PATJ: variants seen among roughly 807,000 people sequenced by gnomAD.
The protein encoded by PATJ is inaD-like protein.
PATJ carries 190 observed loss-of-function variants against 224.9 expected under a neutral mutation model. That is an observed-to-expected ratio of 0.84 (90% CI 0.75 to 0.95). PATJ has a LOEUF of 0.95. Ranked by LOEUF, PATJ falls within the 40% of genes least tolerant of loss-of-function variation. The pLI, the probability that PATJ is intolerant of heterozygous loss-of-function variation, is 0.00. For synonymous variants in PATJ, 769 were observed against 820.3 expected (o/e 0.94, Z 1.07); for missense variants, 2,121 against 2,270.3 (o/e 0.93, Z 1.34).
chr1:62,016,194 C>T lies in PATJ; in HGVS notation c.3868-1662C>T, dbSNP rs12093366. Among the ~76,000 whole-genome samples the T allele has an allele frequency of 7.0e-3, 1,061 of 152,270 alleles. 11 individuals carry two copies. The highest frequency in any genetic ancestry group is 0.025 in the African/African-American group (1,024 of 41,554). ...CATCAGCCTTGGATATGAATCCCAG[C>T]TTTACCACTTAGGAAAGGTGATGGA... is the stretch of plus-strand genomic sequence containing the variant. On this transcript the variant is annotated intron_variant, in intron 28 of 43. Coordinates refer to ENST00000642238, the MANE Select transcript of PATJ (RefSeq NM_001350145.3).
chr1:61,822,855 G>A (rs1222472999), intron 14 of PATJ, 90 bp from the exon 15 acceptor site: 2 of 1,445,382 alleles, frequency 1.4e-6, no homozygotes, highest in East Asian at 2.3e-5. Flanking sequence ...CAAGAGGTGG[G>A]GTTTTTCACT....
intron 30 of PATJ, chr1:62,038,778 A>G (rs1650918082): frequency 3.9e-6 from 2 of 513,060 alleles, no homozygotes; most frequent in Non-Finnish European, 3.6e-6. Context: ...ATTGTGCAAT[A>G]CACATTATTT....
chr1:61,935,476 G>T (rs144365644), intron 27 of PATJ, among the ~76,000 whole-genome samples: 1 of 152,126 alleles, frequency 6.6e-6, no homozygotes, highest in Non-Finnish European at 1.5e-5. Context: ...GAGTATATTT[G>T]GATTATGAAG....
At chr1:61,802,372 C>T (rs1255829774) in intron 12 of PATJ, among the ~76,000 whole-genome samples, 2 of 152,186 alleles carry the variant, frequency 1.3e-5, no homozygotes, top group Non-Finnish European at 2.9e-5. Context: ...GGATTATAGG[C>T]GTGAGCCACC....
intron 17 of PATJ, among the ~76,000 whole-genome samples, chr1:61,855,029 G>A (rs983810423): frequency 1.3e-5 from 2 of 152,116 alleles, no homozygotes; most frequent in Admixed American, 1.3e-4. Flanking sequence ...AAAATACAGT[G>A]GAATCGTCCA....
chr1:62,141,725 C>G (rs569019786), intron 41 of PATJ, among the ~76,000 whole-genome samples: 3 of 148,512 alleles, frequency 2.0e-5, no homozygotes, highest in Admixed American at 6.8e-5. Context: ...GAGGCCAGCA[C>G]TTTGGGAGGC....
intron 31 of PATJ, among the ~76,000 whole-genome samples, chr1:62,051,338 C>T (rs1387924591): frequency 1.3e-5 from 2 of 152,002 alleles, no homozygotes; most frequent in East Asian, 3.9e-4. Flanking sequence ...GAGATGGAGC[C>T]TCACTCTGTC....
intron 27 of PATJ, among the ~76,000 whole-genome samples, chr1:61,989,301 A>G (rs1644935032): frequency 6.6e-6 from 1 of 152,204 alleles, no homozygotes; most frequent in Non-Finnish European, 1.5e-5. Flanking sequence ...CATCCATGAA[A>G]TGGATAGTAA....
intron 41 of PATJ, among the ~76,000 whole-genome samples, chr1:62,141,064 C>A (rs75717958): frequency 0.034 from 5,233 of 151,880 alleles, 157 homozygotes; most frequent in South Asian, 0.12. Flanking sequence ...AGTGAAGTAC[C>A]CCCTGGTGCC....
chr1:62,095,761 T>C (rs550422188), intron 33 of PATJ, among the ~76,000 whole-genome samples: 4 of 152,312 alleles, frequency 2.6e-5, no homozygotes, highest in Admixed American at 6.5e-5. Flanking sequence ...TTGTATTCTA[T>C]AAAGTCAAGG....
rs530819307 is a variant in PATJ, at chr1:61,886,195, G to C, written c.3131+1787G>C. 2.0e-5 allele frequency among the ~76,000 whole-genome samples: 3 copies of C among 151,974 alleles called. No homozygotes were observed. In the East Asian group the frequency reaches 5.8e-4, roughly 29 times the overall value. ...AGTATAATTAAAAAAAAAAAGATTG[G>C]AGTCCTGGAAAACAGCAATACTTAA... On this transcript the variant is annotated intron_variant, in intron 22 of 43. Coordinates refer to ENST00000642238, the MANE Select transcript of PATJ (RefSeq NM_001350145.3).
intron 1 of PATJ, among the ~76,000 whole-genome samples, chr1:61,745,918 T>A (rs1000266538): frequency 1.5e-4 from 22 of 151,696 alleles, no homozygotes; most frequent in African/African-American, 4.6e-4. Flanking sequence ...TTTTTTTTTT[T>A]AAAAATTTTT....
intron 26 of PATJ, among the ~76,000 whole-genome samples, chr1:61,921,791 G>A (rs1490020280): frequency 6.6e-6 from 1 of 152,196 alleles, no homozygotes; most frequent in African/African-American, 2.4e-5. Flanking sequence ...GTCAGGGGAA[G>A]AGGTGGGAAG....
chr1:61,764,399 G>T (rs1216018117), intron 3 of PATJ, among the ~76,000 whole-genome samples: 2 of 139,028 alleles, frequency 1.4e-5, no homozygotes, highest in Non-Finnish European at 3.1e-5. Context: ...TCTTAGAGGG[G>T]TGCAAATTAG....
At chr1:61,985,423 TA>T (rs1239954741) in intron 27 of PATJ, among the ~76,000 whole-genome samples, 1 of 152,098 alleles carries the variant, frequency 6.6e-6, no homozygotes, top group Admixed American at 6.5e-5. Context: ...AAGCCACTGA[TA>T]GGGGTCTTTT....
intron 28 of PATJ, among the ~76,000 whole-genome samples, chr1:61,998,356 T>G (rs7556129): frequency 0.18 from 27,720 of 151,726 alleles, 2,695 homozygotes; most frequent in Non-Finnish European, 0.21. Flanking sequence ...AGTGCTGGGA[T>G]TACAGGCGTG....
In PATJ at chr1:61,965,121, C is replaced by CAAAAAAAAAA. The variant is rs34267345; in HGVS notation, c.3671-25016_3671-25007dup. 1.9e-3 allele frequency among the ~76,000 whole-genome samples: 106 copies of CAAAAAAAAAA among 54,370 alleles called. 21 individuals carry two copies. The highest frequency in any genetic ancestry group is 3.2e-3 in the South Asian group (5 of 1,542). The allele number at this position is 54,370 out of a possible 152,430, so 35.7% of individuals were successfully genotyped here. On this transcript the variant is annotated intron_variant, in intron 27 of 43. Coordinates refer to ENST00000642238, the MANE Select transcript of PATJ (RefSeq NM_001350145.3). ...TGGGCCACTGAAGGAGACTCTGTCTCAAAAAAAAAAAAAAAAAAAAAAAAA... is the reference window on the plus strand; with the variant it reads ...TGGGCCACTGAAGGAGACTCTGTCTCAAAAAAAAAAAAAAAAAAAAAAAAAAAAAAAAAAA...
chr1:61,973,675 T>A (rs950504677), intron 27 of PATJ, among the ~76,000 whole-genome samples: 2 of 152,008 alleles, frequency 1.3e-5, no homozygotes, highest in Admixed American at 1.3e-4. Context: ...ACATTTCTAC[T>A]GCACTGTAAC....
intron 8 of PATJ, among the ~76,000 whole-genome samples, chr1:61,790,487 T>G (rs569562561): frequency 2.2e-4 from 33 of 148,476 alleles, no homozygotes; most frequent in Non-Finnish European, 3.1e-4. Context: ...CTGCTTAGCT[T>G]CTTCTTCTTT....
Sources: allele counts gnomAD v4.1 joint callset (sites outside exome capture counted in the v4.1 genomes callset), GRCh38; gene constraint gnomAD v4.1.1; transcripts MANE v1.5; gene names NCBI Gene and HGNC (gene_info 2026-07-23, HGNC 2026-07-21).